The following JAKMIP2 variants were observed in gnomAD, a reference collection of about 807,000 sequenced individuals.
JAKMIP2 encodes janus kinase and microtubule-interacting protein 2.
Under a neutral mutation model 115.0 loss-of-function variants are expected in JAKMIP2, and 25 were observed. The ratio of observed to expected loss-of-function variants is 0.22; its 90% CI spans 0.16 to 0.30. The LOEUF is 0.30. Among genes scored for constraint, JAKMIP2 ranks in the 10% least tolerant of loss-of-function variants. The pLI is 1.00. For synonymous variants in JAKMIP2, 334 were observed against 343.6 expected (o/e 0.97, Z 0.31); for missense variants, 642 against 957.6 (o/e 0.67, Z 4.35).
chr5:147,647,871 C>A (rs1036972192), intron 5 of JAKMIP2, among the ~76,000 whole-genome samples: 3 of 152,110 alleles, frequency 2.0e-5, no homozygotes, highest in Non-Finnish European at 2.9e-5. Context: ...CTTCTCAAAA[C>A]AGCTCAGAAG....
At chr5:147,661,709 C>T (rs1581373545) in intron 2 of JAKMIP2, 2 of 401,628 alleles carry the variant, frequency 5.0e-6, no homozygotes, top group African/African-American at 2.0e-5. Flanking sequence ...GTGTGGTCTG[C>T]AGACAAGCAG....
chr5:147,718,878 G>A (rs1326224573), intron 1 of JAKMIP2, among the ~76,000 whole-genome samples: 3 of 145,660 alleles, frequency 2.1e-5, no homozygotes, highest in Non-Finnish European at 3.0e-5. Context: ...GTTATTTCTT[G>A]CCTTCTGCTA....
At chr5:147,679,962 G>A (rs1760173567) in intron 1 of JAKMIP2, among the ~76,000 whole-genome samples, 1 of 152,140 alleles carries the variant, frequency 6.6e-6, no homozygotes, top group African/African-American at 2.4e-5. Flanking sequence ...ATGGTGATTA[G>A]TAACAGTTAA....
At chr5:147,611,118 G>T (rs1277395992) in intron 20 of JAKMIP2, among the ~76,000 whole-genome samples, 1 of 152,184 alleles carries the variant, frequency 6.6e-6, no homozygotes, top group Admixed American at 6.5e-5. Flanking sequence ...AGCTTGCTGG[G>T]ATCCATGGGG....
At chr5:147,675,120 G>A (rs71580443) in intron 1 of JAKMIP2, among the ~76,000 whole-genome samples, 3,691 of 152,234 alleles carry the variant, frequency 0.024, 67 homozygotes, top group Non-Finnish European at 0.039. Context: ...AGATACAATA[G>A]ATACATTTTA....
chr5:147,634,545 A>G (rs558964165), intron 12 of JAKMIP2, among the ~76,000 whole-genome samples: 2 of 152,180 alleles, frequency 1.3e-5, no homozygotes, highest in Non-Finnish European at 2.9e-5. Flanking sequence ...CAATGGTGGA[A>G]TATTTCGAGA....
At chr5:147,709,161 G>A (rs754694944) in intron 1 of JAKMIP2, among the ~76,000 whole-genome samples, 14 of 152,108 alleles carry the variant, frequency 9.2e-5, no homozygotes, top group Non-Finnish European at 1.8e-4. Flanking sequence ...ATAGATTTAC[G>A]GAGCTGTCCA....
chr5:147,731,777 T>A (rs749477859), intron 1 of JAKMIP2, among the ~76,000 whole-genome samples: 3 of 152,200 alleles, frequency 2.0e-5, no homozygotes, highest in Non-Finnish European at 2.9e-5. Flanking sequence ...GAAAAATAGG[T>A]CACCTAGATT....
At chr5:147,631,718 G>A (rs1451728203) in intron 13 of JAKMIP2, among the ~76,000 whole-genome samples, 1 of 152,168 alleles carries the variant, frequency 6.6e-6, no homozygotes, top group Non-Finnish European at 1.5e-5. Flanking sequence ...TTTATAGATG[G>A]TGTCATCCAT....
chr5:147,775,609 T>C (rs1393027717), intron 1 of JAKMIP2, among the ~76,000 whole-genome samples: 1 of 152,204 alleles, frequency 6.6e-6, no homozygotes, highest in African/African-American at 2.4e-5. Flanking sequence ...TGTTATGATA[T>C]ATTACCTTTA....
intron 17 of JAKMIP2, among the ~76,000 whole-genome samples, chr5:147,623,275 G>C (rs912793694): frequency 6.7e-6 from 1 of 149,300 alleles, no homozygotes; most frequent in African/African-American, 2.5e-5. Context: ...AGGTGGCTTA[G>C]GGATTTTTAA....
rs1754986975 is a variant in JAKMIP2 at position 147,588,812 on chromosome 5, A to G, written c.*2895T>C. On this transcript the variant is annotated 3_prime_UTR_variant, in exon 22 of 22. Transcript: ENST00000616793. ...GATAAGCAGATTAGGTATATAAACCATACCACTTTTTCAAAAATTTTCAAT... is the reference window on the plus strand; with the variant it reads ...GATAAGCAGATTAGGTATATAAACCGTACCACTTTTTCAAAAATTTTCAAT... The G allele has an allele frequency of 6.6e-6, 1 of 152,148 alleles. No homozygotes were observed. Among genetic ancestry groups the G allele is most frequent in the African/African-American group, 2.4e-5 (1 of 41,440 alleles). 9.4% of individuals were successfully genotyped at this position (152,148 alleles called of 1,614,324 possible).
chr5:147,665,988 G>GAAGACA (rs1366440946), intron 2 of JAKMIP2, among the ~76,000 whole-genome samples: 53 of 152,132 alleles, frequency 3.5e-4, no homozygotes, highest in African/African-American at 1.3e-3. Context: ...ATTCCAGCCT[G>GAAGACA]AAGACAAAAA....
At chr5:147,667,548 T>C (rs1214943483) in intron 2 of JAKMIP2, among the ~76,000 whole-genome samples, 1 of 152,162 alleles carries the variant, frequency 6.6e-6, no homozygotes, top group Non-Finnish European at 1.5e-5. Flanking sequence ...TAACATAAAC[T>C]TTGGCCTGGA....
intron 20 of JAKMIP2, among the ~76,000 whole-genome samples, chr5:147,610,040 T>C (rs1457256213): frequency 2.0e-5 from 3 of 152,182 alleles, no homozygotes; most frequent in African/African-American, 7.2e-5. Flanking sequence ...AGGTCCTTTA[T>C]GTTCTTTTCT....
intron 1 of JAKMIP2, among the ~76,000 whole-genome samples, chr5:147,696,231 C>T (rs890757494): frequency 6.6e-6 from 1 of 152,070 alleles, no homozygotes; most frequent in African/African-American, 2.4e-5. Context: ...GGCTGTGTCC[C>T]CAGCCAAAAC....
chr5:147,727,884 C>T (rs1753581747), intron 1 of JAKMIP2, among the ~76,000 whole-genome samples: 2 of 152,040 alleles, frequency 1.3e-5, no homozygotes, highest in South Asian at 4.1e-4. Context: ...TGTCTTCTTG[C>T]TACTCTTGAT....
chr5:147,589,831 A>T lies in JAKMIP2; in HGVS notation c.*1876T>A, dbSNP rs538232177. ...GTGCTATAGTGCTTAAATTTAACCAAACTGAAGCACTATTTTATTACATGA... is the reference window on the plus strand; with the variant it reads ...GTGCTATAGTGCTTAAATTTAACCATACTGAAGCACTATTTTATTACATGA... On this transcript the variant is annotated 3_prime_UTR_variant, in exon 22 of 22. Transcript: ENST00000616793. The T allele has an allele frequency of 6.6e-6, 1 of 152,322 alleles. No individual in the cohort carries two copies. The highest frequency in any genetic ancestry group is 2.4e-5 in the African/African-American group (1 of 41,574). 9.4% of individuals were successfully genotyped at this position (152,322 alleles called of 1,614,324 possible).
intron 14 of JAKMIP2, among the ~76,000 whole-genome samples, chr5:147,630,905 C>A (rs1757321236): frequency 6.6e-6 from 1 of 152,128 alleles, no homozygotes. Context: ...TAATATGCAA[C>A]CTGTTATAAA....
Sources: allele counts gnomAD v4.1 joint callset (sites outside exome capture counted in the v4.1 genomes callset), GRCh38; gene constraint gnomAD v4.1.1; transcripts MANE v1.5; gene names NCBI Gene and HGNC (gene_info 2026-07-23, HGNC 2026-07-21).